The following PEAK1 variants were observed in gnomAD, a reference collection of about 807,000 sequenced individuals.
PEAK1 encodes the protein inactive tyrosine-protein kinase PEAK1.
Under a neutral mutation model 124.7 loss-of-function variants are expected in PEAK1, and 54 were observed. The observed-to-expected ratio is 0.43, with a 90% confidence interval of 0.35 to 0.54. PEAK1 has a LOEUF of 0.54. Ranked by LOEUF, PEAK1 falls within the 20% of genes least tolerant of loss-of-function variation. PEAK1 has a pLI of 0.01. For synonymous variants in PEAK1, 719 were observed against 760.0 expected (o/e 0.95, Z 0.89); for missense variants, 2,046 against 2,134.5 (o/e 0.96, Z 0.82).
At chr15:77,281,902 A>G (rs988865862) in intron 5 of PEAK1, among the ~76,000 whole-genome samples, 1 of 152,178 alleles carries the variant, frequency 6.6e-6, no homozygotes, top group African/African-American at 2.4e-5. Flanking sequence ...CTCCTTTATT[A>G]CCTATACTTC....
At chr15:77,419,643 C>T (rs2142229263) in intron 1 of PEAK1, 2 of 985,108 alleles carry the variant, frequency 2.0e-6, no homozygotes, top group South Asian at 4.7e-5. Context: ...GCTTCACTTT[C>T]CCCCGCAACC....
At chr15:77,317,567 A>G (rs1216717573) in intron 2 of PEAK1, among the ~76,000 whole-genome samples, 1 of 152,200 alleles carries the variant, frequency 6.6e-6, no homozygotes, top group Non-Finnish European at 1.5e-5. Flanking sequence ...CAGCAGCACA[A>G]ATGAGTTGAA....
intron 2 of PEAK1, among the ~76,000 whole-genome samples, chr15:77,301,250 T>A (rs1337870510): frequency 2.6e-5 from 4 of 152,186 alleles, no homozygotes; most frequent in Non-Finnish European, 5.9e-5. Flanking sequence ...TGTGGCTATA[T>A]CATTCTAATC....
intron 2 of PEAK1, among the ~76,000 whole-genome samples, chr15:77,302,115 A>G (rs145136655): frequency 6.2e-4 from 94 of 151,826 alleles, no homozygotes; most frequent in African/African-American, 2.0e-3. Flanking sequence ...TATATTTCCT[A>G]CCCCAGGGCT....
At chr15:77,186,353 T>G (rs1241834146) in intron 6 of PEAK1, among the ~76,000 whole-genome samples, 1 of 152,206 alleles carries the variant, frequency 6.6e-6, no homozygotes, top group Non-Finnish European at 1.5e-5. Context: ...GTAAAAATAA[T>G]TCCCCACTTT....
At chr15:77,320,072 G>A (rs2065104030) in intron 2 of PEAK1, among the ~76,000 whole-genome samples, 1 of 152,128 alleles carries the variant, frequency 6.6e-6, no homozygotes, top group South Asian at 2.1e-4. Context: ...AATATATGAT[G>A]TAGAAGTAAA....
In PEAK1 at chr15:77,198,512, T is replaced by C. The variant is rs73459085; in HGVS notation, c.-114-16472A>G. ...TAACTGCCCACCATTGCAAGATAAA[T>C]GAATCTAGCCTAAGGACCAGTATAA... is the stretch of plus-strand genomic sequence containing the variant. On this transcript the variant is annotated intron_variant, in intron 6 of 9. Transcript: ENST00000682557. Among the ~76,000 whole-genome samples, 730 of 152,252 alleles carry C rather than the reference T, an allele frequency of 4.8e-3. 4 individuals carry two copies. The highest frequency in any genetic ancestry group is 0.017 in the African/African-American group (701 of 41,546).
At chr15:77,410,356 C>T (rs1054543087) in intron 1 of PEAK1, among the ~76,000 whole-genome samples, 3 of 152,138 alleles carry the variant, frequency 2.0e-5, no homozygotes, top group Admixed American at 2.0e-4. Flanking sequence ...AACTCTCGAC[C>T]TCAGGTGATC....
Position 77,335,655 on chromosome 15 carries a change from G to C in PEAK1, c.-603+29508C>G, listed in dbSNP as rs916715106. 5 of 668,478 alleles carry C rather than the reference G, an allele frequency of 7.5e-6. No individual in the cohort carries two copies. The African/African-American group carries it at 9.8e-5, about 13-fold the overall frequency. The allele number at this position is 668,478 out of a possible 1,614,324, so 41.4% of individuals were successfully genotyped here. A position where few individuals can be genotyped will look rare whatever the true frequency, so the allele number is the denominator to read the frequency against. ...TACCACATGCAGCTAATTTTTTGCT[G>C]CTGTTGTAAAGACAGGGTCTTGCCC... On this transcript the variant is annotated intron_variant, in intron 2 of 9. Coordinates refer to ENST00000682557, the MANE Select transcript of PEAK1 (RefSeq NM_001385026.1).
chr15:77,260,093 A>G (rs1415848482), intron 5 of PEAK1, among the ~76,000 whole-genome samples: 1 of 152,206 alleles, frequency 6.6e-6, no homozygotes, highest in Non-Finnish European at 1.5e-5. Flanking sequence ...CATAGGACCA[A>G]GAATTCAACA....
intron 6 of PEAK1, among the ~76,000 whole-genome samples, chr15:77,207,057 G>T (rs1375882251): frequency 6.6e-6 from 1 of 152,134 alleles, no homozygotes; most frequent in African/African-American, 2.4e-5. Flanking sequence ...AAACTGGCTA[G>T]CCATAGGTAG....
chr15:77,232,907 G>A (rs965681008), intron 6 of PEAK1, among the ~76,000 whole-genome samples: 3 of 151,914 alleles, frequency 2.0e-5, no homozygotes, highest in Non-Finnish European at 4.4e-5. Flanking sequence ...CACCACACCC[G>A]GCTAATTTTT....
intron 5 of PEAK1, among the ~76,000 whole-genome samples, chr15:77,281,767 G>C (rs2062687762): frequency 6.6e-6 from 1 of 152,086 alleles, no homozygotes; most frequent in Non-Finnish European, 1.5e-5. Flanking sequence ...ATAAGCTAAT[G>C]AAATATTCAA....
intron 2 of PEAK1, chr15:77,349,409 C>T (rs917797813): frequency 1.0e-6 from 1 of 978,790 alleles, no homozygotes; most frequent in East Asian, 1.1e-4. Context: ...TTAAGAGAGT[C>T]AATCAGTTTA....
chr15:77,162,682 C>T (rs187169196), intron 7 of PEAK1, among the ~76,000 whole-genome samples: 12 of 152,078 alleles, frequency 7.9e-5, no homozygotes, highest in African/African-American at 2.4e-4. Flanking sequence ...AATGGGAATT[C>T]GAACCTGGGT....
rs148141647 is a variant in PEAK1 at position 77,244,611 on chromosome 15, C to T, written c.-115+7756G>A. Among the ~76,000 whole-genome samples, 511 of 150,926 alleles carry T rather than the reference C, an allele frequency of 3.4e-3. 2 individuals are homozygous for T. The highest frequency in any genetic ancestry group is 0.012 in the African/African-American group (498 of 41,062). On this transcript the variant is annotated intron_variant, in intron 6 of 9. Coordinates refer to ENST00000682557, the MANE Select transcript of PEAK1 (RefSeq NM_001385026.1). ...TTTCTTTTTCTTTTTTTTTTTGAGA[C>T]AGACTCTTGCTCTGTCACCCAGGCT...
exon 7 of PEAK1, chr15:77,102,943 C>A (rs986231464): frequency 9.9e-5 from 15 of 152,094 alleles, no homozygotes; most frequent in Admixed American, 7.2e-4. Flanking sequence ...TTTGAGACAA[C>A]CTGATAGTTC....
intron 1 of PEAK1, among the ~76,000 whole-genome samples, chr15:77,415,785 T>C (rs570227423): frequency 2.5e-4 from 38 of 152,246 alleles, no homozygotes; most frequent in Admixed American, 1.3e-3. Context: ...CATTCCTTAT[T>C]ACCTTCAAAT....
chr15:77,407,882 GATATAT>G (rs71145822), intron 1 of PEAK1, among the ~76,000 whole-genome samples: 2 of 146,388 alleles, frequency 1.4e-5, no homozygotes, highest in Non-Finnish European at 3.0e-5. Context: ...GATAAAGCAT[GATATAT>G]ATATATATAT....
Sources: gnomAD v4.1 joint callset for allele counts (sites outside exome capture counted in the v4.1 genomes callset) on GRCh38, gnomAD v4.1.1 for gene constraint, MANE v1.5 for transcripts, NCBI Gene and HGNC (gene_info 2026-07-23, HGNC 2026-07-21) for gene names.